The following SPTLC1 variants were observed in gnomAD, a reference collection of about 807,000 sequenced individuals.
SPTLC1 encodes serine palmitoyltransferase 1.
A neutral mutation model predicts 68.9 loss-of-function variants in SPTLC1; 55 were observed. The ratio of observed to expected loss-of-function variants is 0.80; its 90% CI spans 0.64 to 1.00. SPTLC1 has a LOEUF of 1.00. Among genes scored for constraint, SPTLC1 ranks in the 50% least tolerant of loss-of-function variants. SPTLC1 has a pLI of 0.00. For missense variants in SPTLC1, 449 were observed against 573.1 expected (o/e 0.78, Z 2.21); for synonymous variants, 197 against 201.6 (o/e 0.98, Z 0.19).
intron 6 of SPTLC1, among the ~76,000 whole-genome samples, chr9:92,063,809 T>C (rs370164606): frequency 2.6e-5 from 4 of 152,072 alleles, no homozygotes; most frequent in African/African-American, 7.2e-5. Context: ...CAAATTCACA[T>C]TGATTTGCAA....
At chr9:92,070,730 C>T (rs552936953) in intron 5 of SPTLC1, among the ~76,000 whole-genome samples, 2 of 152,224 alleles carry the variant, frequency 1.3e-5, no homozygotes, top group South Asian at 4.1e-4. Flanking sequence ...GATGACTGCA[C>T]AAGTTAATGC....
At chr9:92,055,132 G>T in intron 8 of SPTLC1, 1 of 688,112 alleles carries the variant, frequency 1.5e-6, no homozygotes, top group Non-Finnish European at 1.8e-6. Flanking sequence ...AAGCTAAGGT[G>T]GAAGGATCAC....
intron 5 of SPTLC1, among the ~76,000 whole-genome samples, chr9:92,075,659 C>T (rs1834657356): frequency 6.6e-6 from 1 of 152,218 alleles, no homozygotes; most frequent in South Asian, 2.1e-4. Context: ...CTCTTAGAGT[C>T]TCTCAAAATC....
intron 12 of SPTLC1, among the ~76,000 whole-genome samples, chr9:92,042,826 T>C (rs1407271678): frequency 6.6e-6 from 1 of 152,074 alleles, no homozygotes; most frequent in African/African-American, 2.4e-5. Flanking sequence ...AATATACCAA[T>C]GGAATGGAAG....
chr9:92,078,108 A>G (rs1252906523), intron 5 of SPTLC1, among the ~76,000 whole-genome samples: 1 of 152,112 alleles, frequency 6.6e-6, no homozygotes, highest in African/African-American at 2.4e-5. Flanking sequence ...TCTTTCAATG[A>G]TCCCCACCTT....
chr9:92,042,192 G>A (rs77908695), intron 12 of SPTLC1, among the ~76,000 whole-genome samples: 2,063 of 152,272 alleles, frequency 0.014, 55 homozygotes, highest in African/African-American at 0.046. Context: ...ACTTAATGAA[G>A]AAGTGCTTCT....
At position 92,047,650 on chromosome 9, in the gene SPTLC1, C is replaced by A. The variant is rs1356518013; in HGVS notation, c.947G>T (p.Gly316Val). The change falls in exon 10 of 15, where the codon GGT (glycine) becomes GTT (valine). Residue 316 changes from glycine (G) to valine (V), a missense_variant. This residue lies in a region of SPTLC1 where 391 missense variants were observed against 472.1 expected (regional missense o/e 0.83). Transcript: ENST00000262554. ...TACAAAAGACCTGCCACAGCAGAAA[C>A]CTCCAATAGAAGCAAGTGCATTCTC... ...NMENALASIG[G>V]FCCGRSFVID... 3 of 1,613,800 alleles carry A rather than the reference C, an allele frequency of 1.9e-6. No homozygotes were observed. The highest frequency in any genetic ancestry group is 2.5e-6 in the Non-Finnish European group (3 of 1,179,840).
At chr9:92,089,465 C>G (rs1835278649) in intron 3 of SPTLC1, among the ~76,000 whole-genome samples, 1 of 152,042 alleles carries the variant, frequency 6.6e-6, no homozygotes, top group Non-Finnish European at 1.5e-5. Flanking sequence ...TCAAATATAA[C>G]TTCCAGAAAT....
intron 3 of SPTLC1, among the ~76,000 whole-genome samples, chr9:92,107,459 T>C (rs1219400700): frequency 2.0e-5 from 3 of 152,134 alleles, no homozygotes; most frequent in East Asian, 1.9e-4. Flanking sequence ...CTATAAAAGA[T>C]TGGTAAATTT....
chr9:92,090,618 CA>C (rs139034667), intron 3 of SPTLC1, among the ~76,000 whole-genome samples: 11,704 of 131,832 alleles, frequency 0.089, 823 homozygotes, highest in East Asian at 0.28. Context: ...TCTCAAAAAA[CA>C]AACAAAAAAA....
chr9:92,044,698 T>TA (rs376169870), intron 12 of SPTLC1, among the ~76,000 whole-genome samples: 3 of 151,956 alleles, frequency 2.0e-5, no homozygotes, highest in South Asian at 4.2e-4. Context: ...ACTCAGTCCT[T>TA]AAAAAAAGGG....
At position 92,049,956 on chromosome 9, in the gene SPTLC1, T is replaced by C. The variant is rs764138262; in HGVS notation, c.888+4A>G. 3 of 1,590,574 alleles carry C rather than the reference T, an allele frequency of 1.9e-6. No homozygotes were observed. The highest frequency in any genetic ancestry group is 2.6e-6 in the Non-Finnish European group (3 of 1,159,326). ...GGAAACGTTCTTAAAAAAGGGGAAC[T>C]TACATTGATTCCATAGTGTTCAGTG... On this transcript the variant is annotated splice_donor_region_variant and intron_variant, in intron 9 of 14. Coordinates refer to ENST00000262554, the MANE Select transcript of SPTLC1 (RefSeq NM_006415.4).
intron 12 of SPTLC1, among the ~76,000 whole-genome samples, chr9:92,044,783 T>A (rs1280532744): frequency 6.6e-6 from 1 of 150,404 alleles, no homozygotes; most frequent in Non-Finnish European, 1.5e-5. Context: ...GTGTGTAGAT[T>A]TGTCAGGAAA....
At chr9:92,105,180 T>C (rs1425115325) in intron 3 of SPTLC1, 7 of 1,533,850 alleles carry the variant, frequency 4.6e-6, no homozygotes, top group Admixed American at 2.0e-5. Context: ...AAAAGAAAAC[T>C]GTCGGGGCCA....
intron 8 of SPTLC1, 65 bp downstream of exon 8, chr9:92,055,340 T>A (rs1307160524): frequency 6.2e-6 from 10 of 1,607,620 alleles, no homozygotes; most frequent in Non-Finnish European, 7.6e-6. Context: ...AAAGCGGTCA[T>A]AAACAAAAGG....
At chr9:92,069,778 T>C (rs916659835) in intron 5 of SPTLC1, among the ~76,000 whole-genome samples, 6 of 152,166 alleles carry the variant, frequency 3.9e-5, no homozygotes, top group Admixed American at 1.3e-4. Flanking sequence ...CCACAAACCT[T>C]CACAGTTCAG....
chr9:92,104,878 G>A, intron 3 of SPTLC1: 1 of 1,533,398 alleles, frequency 6.5e-7, no homozygotes, highest in Non-Finnish European at 8.7e-7. Context: ...ACAAGGCCCA[G>A]GTGCATGCAG....
At chr9:92,068,326 G>A (rs1360383182) in intron 5 of SPTLC1, among the ~76,000 whole-genome samples, 2 of 152,180 alleles carry the variant, frequency 1.3e-5, no homozygotes, top group African/African-American at 4.8e-5. Flanking sequence ...TCTGCAAAAT[G>A]TGTTACTGGG....
At chr9:92,115,014 T>C in intron 1 of SPTLC1, 1 of 506,396 alleles carries the variant, frequency 2.0e-6, no homozygotes, top group Non-Finnish European at 3.6e-6. Context: ...GTCTAAACTC[T>C]GGTTTTTGCA....
Sources: allele counts gnomAD v4.1 joint callset (sites outside exome capture counted in the v4.1 genomes callset), GRCh38; gene constraint gnomAD v4.1.1; regional missense constraint gnomAD v4.1.1; transcripts MANE v1.5; gene names NCBI Gene and HGNC (gene_info 2026-07-23, HGNC 2026-07-21).